LRRTM4: variants seen among roughly 807,000 people sequenced by gnomAD.
The protein encoded by LRRTM4 is leucine rich repeat transmembrane neuronal 4.
In LRRTM4, 25 loss-of-function variants were observed where a neutral mutation model predicts 47.6. The observed-to-expected ratio is 0.53, with a 90% confidence interval of 0.38 to 0.73. LRRTM4 has a LOEUF of 0.73. LRRTM4 is among the 30% of genes least tolerant of loss of function. LRRTM4 has a pLI of 0.00. For synonymous variants in LRRTM4, 311 were observed against 269.5 expected, an observed-to-expected ratio of 1.15 and a Z score of -1.51; for missense variants, 638 against 713.4, an observed-to-expected ratio of 0.89 and a Z score of 1.20.
chr2:77,359,773 C>A (rs73941228), intron 3 of LRRTM4, among the ~76,000 whole-genome samples: 5,313 of 152,204 alleles, frequency 0.035, 311 homozygotes, highest in African/African-American at 0.12. Context: ...AGTCATACTT[C>A]TCTCAGATAA....
intron 3 of LRRTM4, among the ~76,000 whole-genome samples, chr2:76,939,723 T>TAAA (rs1675072181): frequency 6.6e-6 from 1 of 152,158 alleles, no homozygotes; most frequent in Non-Finnish European, 1.5e-5. Context: ...GTATTTATGT[T>TAAA]AGTCCTACAT....
At chr2:77,309,136 A>G (rs1414500763) in intron 3 of LRRTM4, among the ~76,000 whole-genome samples, 2 of 152,196 alleles carry the variant, frequency 1.3e-5, no homozygotes, top group African/African-American at 4.8e-5. Context: ...CTTTATGACA[A>G]TCTTTTCCTA....
At chr2:77,471,340 G>C (rs949207146) in intron 3 of LRRTM4, among the ~76,000 whole-genome samples, 1 of 151,902 alleles carries the variant, frequency 6.6e-6, no homozygotes. Context: ...AACCATCCTG[G>C]CTCAAAATAT....
chr2:77,074,286 C>T (rs538676421), intron 3 of LRRTM4, among the ~76,000 whole-genome samples: 1 of 152,198 alleles, frequency 6.6e-6, no homozygotes, highest in South Asian at 2.1e-4. Flanking sequence ...ATTTGTACAT[C>T]CTGTGTTCTT....
At chr2:77,384,164 G>A (rs1179775629) in intron 3 of LRRTM4, among the ~76,000 whole-genome samples, 1 of 151,406 alleles carries the variant, frequency 6.6e-6, no homozygotes, top group Non-Finnish European at 1.5e-5. Flanking sequence ...GATAGAGCCA[G>A]AAATATATCA....
At chr2:77,073,640 A>G (rs953300714) in intron 3 of LRRTM4, among the ~76,000 whole-genome samples, 1 of 152,276 alleles carries the variant, frequency 6.6e-6, no homozygotes. Flanking sequence ...TTTTTTCCAT[A>G]ATCTTCAAAT....
At chr2:77,040,457 G>A (rs768323961) in intron 3 of LRRTM4, among the ~76,000 whole-genome samples, 2 of 151,304 alleles carry the variant, frequency 1.3e-5, no homozygotes, top group African/African-American at 2.4e-5. Flanking sequence ...TTTCAATGAA[G>A]TCTCAGTAAA....
chr2:76,973,575 G>A (rs1308221177), intron 3 of LRRTM4, among the ~76,000 whole-genome samples: 1 of 151,832 alleles, frequency 6.6e-6, no homozygotes, highest in African/African-American at 2.4e-5. Context: ...TGATTTTCCT[G>A]GGAGACAAGA....
intron 3 of LRRTM4, among the ~76,000 whole-genome samples, chr2:76,862,923 T>A (rs537906531): frequency 1.3e-5 from 2 of 152,220 alleles, no homozygotes; most frequent in Non-Finnish European, 2.9e-5. Context: ...ATATGTATAT[T>A]GTCTTGTAAC....
chr2:77,169,950 T>A (rs1436126616), intron 3 of LRRTM4, among the ~76,000 whole-genome samples: 1 of 152,212 alleles, frequency 6.6e-6, no homozygotes, highest in Non-Finnish European at 1.5e-5. Flanking sequence ...TACGTATTTG[T>A]TATGTCTGTT....
At chr2:76,799,528 T>C (rs2103762202) in intron 3 of LRRTM4, among the ~76,000 whole-genome samples, 1 of 144,234 alleles carries the variant, frequency 6.9e-6, no homozygotes, top group Admixed American at 6.9e-5. Context: ...AGCATTCCCT[T>C]TGAAAACTGG....
intron 3 of LRRTM4, among the ~76,000 whole-genome samples, chr2:76,768,670 T>C (rs1032039668): frequency 3.3e-5 from 5 of 152,120 alleles, no homozygotes; most frequent in Non-Finnish European, 7.4e-5. Flanking sequence ...TTTCCTCTTA[T>C]AGGTACAAAT....
At chr2:77,009,213 A>G (rs1351586510) in intron 3 of LRRTM4, 2 of 152,106 alleles carry the variant, frequency 1.3e-5, no homozygotes, top group East Asian at 3.9e-4. Flanking sequence ...ACAAAGGAAA[A>G]AATGTCAGAT....
chr2:76,974,227 CAT>C (rs770055399), intron 3 of LRRTM4, among the ~76,000 whole-genome samples: 28,275 of 122,050 alleles, frequency 0.23, 4,327 homozygotes, highest in African/African-American at 0.45. Flanking sequence ...TATATACATA[CAT>C]ATATATATAT....
At chr2:76,792,987 G>A (rs1675057355) in intron 3 of LRRTM4, among the ~76,000 whole-genome samples, 1 of 152,230 alleles carries the variant, frequency 6.6e-6, no homozygotes, top group East Asian at 1.9e-4. Flanking sequence ...ATGGAAAGTG[G>A]AAGTCTTCAC....
chr2:77,377,182 G>C (rs1672871714), intron 3 of LRRTM4, among the ~76,000 whole-genome samples: 2 of 151,788 alleles, frequency 1.3e-5, no homozygotes. Flanking sequence ...GGCATTAAAA[G>C]TTATTCCAGG....
intron 3 of LRRTM4, among the ~76,000 whole-genome samples, chr2:77,230,333 T>A (rs989312494): frequency 2.0e-5 from 3 of 152,046 alleles, no homozygotes; most frequent in African/African-American, 7.2e-5. Context: ...ACCATACACA[T>A]AGTAAGACAC....
chr2:76,996,642 T>C (rs1025606864), intron 3 of LRRTM4, among the ~76,000 whole-genome samples: 1 of 152,104 alleles, frequency 6.6e-6, no homozygotes. Flanking sequence ...ATATGAAAAA[T>C]GTCATAAGCA....
chr2:77,410,504 G>A (rs1400397420), intron 3 of LRRTM4, among the ~76,000 whole-genome samples: 3 of 152,204 alleles, frequency 2.0e-5, no homozygotes, highest in Non-Finnish European at 4.4e-5. Context: ...CCTGATCAGG[G>A]AATACTTTCC....
Sources: gnomAD v4.1 joint callset for allele counts (sites outside exome capture counted in the v4.1 genomes callset) on GRCh38, gnomAD v4.1.1 for gene constraint, MANE v1.5 for transcripts, NCBI Gene and HGNC (gene_info 2026-07-23, HGNC 2026-07-21) for gene names.